Variants in CASS4 observed in about 807,000 individuals in gnomAD.
CASS4 encodes cas scaffolding protein family member 4.
A neutral mutation model predicts 54.2 loss-of-function variants in CASS4; 22 were observed. The ratio of observed to expected loss-of-function variants is 0.41; its 90% CI spans 0.29 to 0.58. The LOEUF (loss-of-function observed/expected upper bound fraction) is 0.58, where lower values mean the gene tolerates loss of function less well. Among genes scored for constraint, CASS4 ranks in the 20% least tolerant of loss-of-function variants. CASS4 has a pLI of 0.36. For synonymous variants in CASS4, 409 were observed against 391.5 expected (o/e 1.04, Z -0.53); for missense variants, 854 against 986.7 (o/e 0.87, Z 1.80).
In CASS4 at chr20:56,452,213, A is replaced by G; in HGVS notation, c.1037A>G (p.Lys346Arg). ...CCCCGAGTGGAACAGCAGAACACCAAGCCCAATATTTATGACATCCCTAAA... is the reference window on the plus strand; with the variant it reads ...CCCCGAGTGGAACAGCAGAACACCAGGCCCAATATTTATGACATCCCTAAA... The part of the protein sequence containing the change: ...LIPRVEQQNT[K>R]PNIYDIPKAT... Residue 346 changes from lysine (K) to arginine (R), a missense_variant, in exon 5 of 6, where the codon AAG (lysine) becomes AGG (arginine). Coordinates refer to ENST00000679887, the MANE Select transcript of CASS4 (RefSeq NM_020356.4). 6.2e-7 allele frequency: 1 copy of G among 1,614,170 alleles called. No homozygotes were observed. Among genetic ancestry groups the G allele is most frequent in the Non-Finnish European group, 8.5e-7 (1 of 1,180,038 alleles).
chr20:56,438,179 TA>T (rs1233343995), intron 2 of CASS4, among the ~76,000 whole-genome samples: 1 of 151,814 alleles, frequency 6.6e-6, no homozygotes, highest in Admixed American at 6.6e-5. Context: ...CCCAACTACT[TA>T]GTGGGAGGCT....
At chr20:56,438,301 AAGT>A in intron 2 of CASS4, among the ~76,000 whole-genome samples, 1 of 149,938 alleles carries the variant, frequency 6.7e-6, no homozygotes, top group Non-Finnish European at 1.5e-5. Context: ...AAAAAAAAAA[AAGT>A]ATATCCCCTT....
intron 1 of CASS4, among the ~76,000 whole-genome samples, chr20:56,421,853 G>GAAGGA (rs1479247911): frequency 6.6e-6 from 1 of 152,094 alleles, no homozygotes; most frequent in Non-Finnish European, 1.5e-5. Flanking sequence ...AGGAAAGAGG[G>GAAGGA]AAGGAAAGGA....
intron 1 of CASS4, among the ~76,000 whole-genome samples, chr20:56,413,541 C>T (rs913726650): frequency 4.0e-5 from 6 of 151,802 alleles, no homozygotes; most frequent in Admixed American, 1.3e-4. Flanking sequence ...AGCGTGGTGG[C>T]GCATGCCCGT....
intron 1 of CASS4, among the ~76,000 whole-genome samples, chr20:56,431,289 A>T (rs1045447432): frequency 1.3e-5 from 2 of 152,204 alleles, no homozygotes; most frequent in African/African-American, 4.8e-5. Flanking sequence ...CCTCCATTCC[A>T]GGTAAGGAAC....
At chr20:56,453,296 A>C (rs1262308936) in intron 5 of CASS4, 167 bp downstream of exon 5, 1 of 601,668 alleles carries the variant, frequency 1.7e-6, no homozygotes, top group Admixed American at 3.2e-5. Flanking sequence ...ATGAAATCTT[A>C]TTAACAAGTC....
chr20:56,451,682 A>G (rs1981004221), intron 4 of CASS4, 137 bp from the exon 5 acceptor site: 1 of 668,980 alleles, frequency 1.5e-6, no homozygotes, highest in Admixed American at 2.9e-5. Flanking sequence ...GCTCAAAAGA[A>G]TCCTGAAGGA....
chr20:56,456,415 C>T (rs946623589), intron 5 of CASS4, among the ~76,000 whole-genome samples: 4 of 152,004 alleles, frequency 2.6e-5, no homozygotes, highest in African/African-American at 9.7e-5. Flanking sequence ...GCTCTGTCAC[C>T]CAGGTGGGAG....
chr20:56,453,637 C>G (rs1326862475), intron 5 of CASS4: 1 of 154,288 alleles, frequency 6.5e-6, no homozygotes, highest in Non-Finnish European at 1.4e-5. Flanking sequence ...GCCTGTAATT[C>G]CAACGCTTTG....
chr20:56,437,624 G>A lies in CASS4; in HGVS notation c.459+38G>A. ...CCACCTACTAGACATGGGTTGAGGG[G>A]TATGGAAACACCCAGAGGCCTAACT... On this transcript the variant is annotated intron_variant, in intron 2 of 5. Coordinates refer to ENST00000679887, the MANE Select transcript of CASS4 (RefSeq NM_020356.4). This position sits in a 1 kb window ranked among gnomAD's most constrained non-coding sequence, Gnocchi z 4.7. The A allele has an allele frequency of 6.7e-7, 1 of 1,494,396 alleles. No homozygotes were observed. The highest frequency in any genetic ancestry group is 9.0e-7 in the Non-Finnish European group (1 of 1,117,220). 92.6% of individuals were successfully genotyped at this position (1,494,396 alleles called of 1,614,324 possible). A position where few individuals can be genotyped will look rare whatever the true frequency, so the allele number is the denominator to read the frequency against.
At chr20:56,426,243 C>G (rs1188498597) in intron 1 of CASS4, among the ~76,000 whole-genome samples, 3 of 152,178 alleles carry the variant, frequency 2.0e-5, no homozygotes, top group Non-Finnish European at 4.4e-5. Context: ...TTCTCACCCT[C>G]TCTGTGCCTT....
Position 56,453,140 on chromosome 20 carries a change from A to G in CASS4, c.1953+11A>G, listed in dbSNP as rs1600775978. 3 of 1,597,844 alleles carry G rather than the reference A, an allele frequency of 1.9e-6. No individual in the cohort carries two copies. The East Asian group carries it at 6.7e-5, about 36-fold the overall frequency. ...AATATCTGTGGACAGGTGAGTTCAG[A>G]GTTCCAAGTGATCGAAAAAGGGGCT... On this transcript the variant is annotated intron_variant, in intron 5 of 5. Coordinates refer to ENST00000679887, the MANE Select transcript of CASS4 (RefSeq NM_020356.4).
At chr20:56,456,353 ATTAC>A (rs1317605578) in intron 5 of CASS4, among the ~76,000 whole-genome samples, 2 of 149,228 alleles carry the variant, frequency 1.3e-5, no homozygotes, top group East Asian at 4.0e-4. Flanking sequence ...TGCCTACCTC[ATTAC>A]TTCTCGTTAT....
intron 1 of CASS4, among the ~76,000 whole-genome samples, chr20:56,429,761 A>G (rs1188569022): frequency 2.0e-5 from 3 of 152,126 alleles, no homozygotes; most frequent in Non-Finnish European, 4.4e-5. Flanking sequence ...CCCAGATGGA[A>G]GCTTCCATGG....
chr20:56,434,644 A>G (rs1407471851), intron 1 of CASS4, among the ~76,000 whole-genome samples: 4 of 149,490 alleles, frequency 2.7e-5, no homozygotes, highest in Non-Finnish European at 5.9e-5. Context: ...ATGGGGTTTC[A>G]CCATATTTGC....
intron 3 of CASS4, 145 bp downstream of exon 3, chr20:56,446,146 AAC>A: frequency 5.3e-6 from 3 of 569,942 alleles, no homozygotes; most frequent in South Asian, 4.8e-5. Flanking sequence ...CTCAGAGGCC[AAC>A]TTCATAACCT....
intron 3 of CASS4, among the ~76,000 whole-genome samples, chr20:56,448,441 T>G (rs1283463038): frequency 6.6e-6 from 1 of 152,040 alleles, no homozygotes; most frequent in Admixed American, 6.6e-5. Context: ...CCCTCTCTCT[T>G]TTCAACTTTC....
At chr20:56,417,879 T>A (rs1161044286) in intron 1 of CASS4, among the ~76,000 whole-genome samples, 2 of 152,226 alleles carry the variant, frequency 1.3e-5, no homozygotes, top group Non-Finnish European at 2.9e-5. Context: ...AGATGTTGCC[T>A]TAGATGCAAG....
In CASS4 at chr20:56,422,872, C is replaced by T. The variant is rs116200782; in HGVS notation, c.36+10378C>T. On this transcript the variant is annotated intron_variant, in intron 1 of 5. Coordinates refer to ENST00000679887, the MANE Select transcript of CASS4 (RefSeq NM_020356.4). ...GTTTTTCTTTTTCTCTCATATCCCT[C>T]CTCATATCCAAGTTCACCCGGTTCA... Among the ~76,000 whole-genome samples, 609 of 152,362 alleles carry T rather than the reference C, an allele frequency of 4.0e-3. 5 individuals carry two copies. The highest frequency in any genetic ancestry group is 0.014 in the African/African-American group (581 of 41,570).
Sources: gnomAD v4.1 joint callset for allele counts (sites outside exome capture counted in the v4.1 genomes callset) on GRCh38, gnomAD v4.1.1 for gene constraint, Gnocchi (gnomAD v3.1) non-coding constraint, MANE v1.5 for transcripts, NCBI Gene and HGNC (gene_info 2026-07-23, HGNC 2026-07-21) for gene names.